The following CPVL variants were observed in gnomAD, a reference collection of about 807,000 sequenced individuals.
CPVL encodes the protein probable serine carboxypeptidase CPVL.
CPVL carries 51 observed loss-of-function variants against 63.7 expected under a neutral mutation model. The ratio of observed to expected loss-of-function variants is 0.80; its 90% CI spans 0.64 to 1.01. The LOEUF (loss-of-function observed/expected upper bound fraction) is 1.01. Ranked by LOEUF, CPVL falls within the 50% of genes least tolerant of loss-of-function variation. The pLI is 0.00. For missense variants in CPVL, 530 were observed against 573.1 expected (o/e 0.92, Z 0.77); for synonymous variants, 195 against 206.0 (o/e 0.95, Z 0.46).
intron 1 of CPVL, among the ~76,000 whole-genome samples, chr7:29,187,230 A>G (rs978898366): frequency 1.3e-5 from 2 of 152,164 alleles, no homozygotes; most frequent in African/African-American, 2.4e-5. Flanking sequence ...TAATCTGTCT[A>G]TACTTTTATT....
chr7:29,034,060 A>G (rs1788282821), intron 11 of CPVL, among the ~76,000 whole-genome samples: 1 of 152,152 alleles, frequency 6.6e-6, no homozygotes, highest in Non-Finnish European at 1.5e-5. Context: ...GCTATCTTCT[A>G]GGTTTCTGTT....
intron 5 of CPVL, among the ~76,000 whole-genome samples, chr7:29,094,832 C>A (rs138035985): frequency 1.5e-3 from 229 of 149,806 alleles, no homozygotes; most frequent in African/African-American, 5.4e-3. Context: ...GGCGACAGAG[C>A]GAGACTCCAT....
intron 5 of CPVL, among the ~76,000 whole-genome samples, chr7:29,167,254 C>T (rs1414061852): frequency 6.6e-6 from 1 of 151,986 alleles, no homozygotes; most frequent in African/African-American, 2.4e-5. Context: ...TTTTTTAGAC[C>T]TTTGTCAAAT....
chr7:29,089,546 G>A (rs989005247), intron 6 of CPVL, among the ~76,000 whole-genome samples: 1 of 152,090 alleles, frequency 6.6e-6, no homozygotes, highest in Admixed American at 6.6e-5. Flanking sequence ...GGGCCTGGGC[G>A]GAAGCAGCTT....
At chr7:29,065,913 G>T in intron 10 of CPVL, 110 bp downstream of exon 10, 1 of 619,790 alleles carries the variant, frequency 1.6e-6, no homozygotes, top group Non-Finnish European at 2.9e-6. Flanking sequence ...GTACAGTTTG[G>T]ACATGTTGGT....
At chr7:29,097,165 G>A (rs1325996843) in intron 3 of CPVL, among the ~76,000 whole-genome samples, 6 of 152,128 alleles carry the variant, frequency 3.9e-5, no homozygotes, top group African/African-American at 1.4e-4. Flanking sequence ...ACATAAACTA[G>A]AAAAGGGTAT....
At chr7:29,032,927 C>T (rs1788169022) in intron 11 of CPVL, among the ~76,000 whole-genome samples, 1 of 152,262 alleles carries the variant, frequency 6.6e-6, no homozygotes. Flanking sequence ...GGAATGAGGA[C>T]CATCCCTGAG....
At chr7:29,164,656 C>T (rs1254811107) in intron 5 of CPVL, among the ~76,000 whole-genome samples, 1 of 151,698 alleles carries the variant, frequency 6.6e-6, no homozygotes, top group African/African-American at 2.4e-5. Flanking sequence ...TGGCATATGC[C>T]TGTAATCCCA....
intron 12 of CPVL, chr7:29,011,220 C>CTACA (rs1177619373): frequency 6.6e-6 from 1 of 152,206 alleles, no homozygotes; most frequent in Non-Finnish European, 1.5e-5. Context: ...TGTTTCTGTG[C>CTACA]TACAGTCTCC....
chr7:29,090,637 T>C (rs1785675526), intron 6 of CPVL, among the ~76,000 whole-genome samples: 1 of 152,192 alleles, frequency 6.6e-6, no homozygotes, highest in Non-Finnish European at 1.5e-5. Flanking sequence ...TGGTAAACAA[T>C]GGCAGAAGGA....
chr7:29,020,299 G>A (rs184199544), intron 12 of CPVL, among the ~76,000 whole-genome samples: 1 of 152,154 alleles, frequency 6.6e-6, no homozygotes, highest in Admixed American at 6.5e-5. Flanking sequence ...GTAGCAGATG[G>A]GGGGAGGTAA....
chr7:29,117,326 GTCAGTAGTCTC>G (rs1276727100), intron 2 of CPVL, among the ~76,000 whole-genome samples: 1 of 152,208 alleles, frequency 6.6e-6, no homozygotes, highest in African/African-American at 2.4e-5. Context: ...CAGGAGAGAT[GTCAGTAGTCTC>G]TCAGATGGAT....
At chr7:29,001,614 A>G (rs1277256014) in intron 12 of CPVL, among the ~76,000 whole-genome samples, 6 of 152,200 alleles carry the variant, frequency 3.9e-5, no homozygotes, top group East Asian at 1.9e-4. Flanking sequence ...AACAGCAGAG[A>G]TCAAGGCTGG....
intron 11 of CPVL, among the ~76,000 whole-genome samples, chr7:29,033,036 G>A (rs558117519): frequency 2.1e-4 from 32 of 152,240 alleles, no homozygotes; most frequent in Admixed American, 3.3e-4. Flanking sequence ...GCACAATCTC[G>A]CACAGGCAAT....
chr7:29,071,739 TGC>T, intron 9 of CPVL, 32 bp downstream of exon 9: 1 of 1,531,924 alleles, frequency 6.5e-7, no homozygotes, highest in Non-Finnish European at 8.8e-7. Context: ...TGGTTTTAAT[TGC>T]TCAAGGGCAG....
upstream of CPVL, chr7:29,146,933 G>A: frequency 1.9e-6 from 3 of 1,551,168 alleles, no homozygotes; most frequent in South Asian, 3.6e-5. Context: ...CACGTTCGCT[G>A]ATGGTCTACA....
At chr7:29,030,788 G>A (rs1007451463) in intron 11 of CPVL, 29 bp from the exon 12 acceptor site, 1 of 1,575,720 alleles carries the variant, frequency 6.3e-7, no homozygotes, top group African/African-American at 1.4e-5. Flanking sequence ...ATCAGCAAAT[G>A]CAAGATTCAG....
At chr7:29,145,098 CATGCAGACTTTCAT>C (rs1158802236) in intron 1 of CPVL, among the ~76,000 whole-genome samples, 1 of 151,668 alleles carries the variant, frequency 6.6e-6, no homozygotes, top group African/African-American at 2.4e-5. Context: ...TCTTGACGAC[CATGCAGACTTTCAT>C]ATGCCAACAA....
At chr7:29,022,862 T>G (rs1787144640) in intron 12 of CPVL, among the ~76,000 whole-genome samples, 1 of 152,228 alleles carries the variant, frequency 6.6e-6, no homozygotes, top group African/African-American at 2.4e-5. Context: ...AGCCTGCCAG[T>G]GCATATGCAC....
Sources: allele counts gnomAD v4.1 joint callset (sites outside exome capture counted in the v4.1 genomes callset), GRCh38; gene constraint gnomAD v4.1.1; transcripts MANE v1.5; gene names NCBI Gene and HGNC (gene_info 2026-07-23, HGNC 2026-07-21).